EDIL3: variants seen among roughly 807,000 people sequenced by gnomAD.
EDIL3 encodes the protein EGF like and discoidin domains 3.
Under a neutral mutation model 67.4 loss-of-function variants are expected in EDIL3, and 37 were observed. That is an observed-to-expected ratio of 0.55 (90% confidence interval 0.42 to 0.72). EDIL3 has a LOEUF of 0.72. Ranked by LOEUF, EDIL3 falls within the 30% of genes least tolerant of loss-of-function variation. The pLI is 0.00. For missense variants in EDIL3, 527 were observed against 586.3 expected (o/e 0.90, Z 1.04); for synonymous variants, 195 against 196.3 (o/e 0.99, Z 0.05).
At chr5:84,097,358 T>C (rs1224540029) in intron 6 of EDIL3, among the ~76,000 whole-genome samples, 3 of 152,136 alleles carry the variant, frequency 2.0e-5, no homozygotes, top group Non-Finnish European at 4.4e-5. Context: ...ATCATACACA[T>C]CAAATATATC....
chr5:84,096,091 G>C (rs1747257722), intron 6 of EDIL3, among the ~76,000 whole-genome samples: 1 of 152,218 alleles, frequency 6.6e-6, no homozygotes, highest in African/African-American at 2.4e-5. Context: ...GCAGAAGTTT[G>C]CTGCAGGGGT....
intron 9 of EDIL3, among the ~76,000 whole-genome samples, chr5:84,029,261 A>G (rs1036439822): frequency 2.6e-5 from 4 of 152,026 alleles, no homozygotes; most frequent in Non-Finnish European, 4.4e-5. Flanking sequence ...TCTCACAAAC[A>G]AAACAAAACA....
rs143416475 is a variant in EDIL3 at position 83,954,236 on chromosome 5, T to C, written c.1293+8969A>G. Among the ~76,000 whole-genome samples the C allele has an allele frequency of 2.8e-3, 428 of 151,842 alleles. 3 individuals are homozygous for C. Among genetic ancestry groups the C allele is most frequent in the African/African-American group, 1.0e-2 (414 of 41,490 alleles). Reference sequence around the variant, plus strand: ...AACAATCAAAATATTAGTTGTTTGGTGATTATTTAGAAATAAAATGGGTTG... The same window carrying C: ...AACAATCAAAATATTAGTTGTTTGGCGATTATTTAGAAATAAAATGGGTTG... On this transcript the variant is annotated intron_variant, in intron 10 of 10. Transcript: ENST00000296591.
chr5:84,355,304 A>C (rs1042273936), intron 1 of EDIL3, among the ~76,000 whole-genome samples: 4 of 151,824 alleles, frequency 2.6e-5, no homozygotes, highest in Admixed American at 2.6e-4. Flanking sequence ...TGCTTCACGA[A>C]GTTCTCGTGC....
At chr5:84,192,415 A>C (rs1743610275) in intron 3 of EDIL3, among the ~76,000 whole-genome samples, 1 of 151,980 alleles carries the variant, frequency 6.6e-6, no homozygotes, top group Non-Finnish European at 1.5e-5. Flanking sequence ...CCATTCTACC[A>C]CCTAAAGATC....
intron 5 of EDIL3, among the ~76,000 whole-genome samples, chr5:84,133,830 T>A (rs1453340144): frequency 6.6e-6 from 1 of 151,934 alleles, no homozygotes; most frequent in Admixed American, 6.6e-5. Flanking sequence ...TAAAAAAGAA[T>A]TGAGATCTTC....
chr5:84,267,735 A>G (rs1243445454), intron 1 of EDIL3, among the ~76,000 whole-genome samples: 1 of 152,246 alleles, frequency 6.6e-6, no homozygotes, highest in Non-Finnish European at 1.5e-5. Flanking sequence ...TTACCAAAAA[A>G]AAGACAATGA....
chr5:84,346,112 A>G (rs1301101993), intron 1 of EDIL3, among the ~76,000 whole-genome samples: 1 of 149,028 alleles, frequency 6.7e-6, no homozygotes, highest in Non-Finnish European at 1.5e-5. Context: ...TCTCTATATC[A>G]GGAGTCATCA....
At chr5:84,111,470 G>A (rs559048863) in intron 5 of EDIL3, among the ~76,000 whole-genome samples, 3 of 152,092 alleles carry the variant, frequency 2.0e-5, no homozygotes, top group South Asian at 2.1e-4. Context: ...CACTCCATCC[G>A]TTCATTTAAT....
At chr5:84,291,676 C>T (rs951025910) in intron 1 of EDIL3, among the ~76,000 whole-genome samples, 4 of 141,060 alleles carry the variant, frequency 2.8e-5, no homozygotes, top group African/African-American at 1.0e-4. Flanking sequence ...ATATATCTAT[C>T]TATATAGATA....
At position 84,060,439 on chromosome 5, in the gene EDIL3, T is replaced by G; in HGVS notation, c.998A>C (p.Tyr333Ser). The G allele has an allele frequency of 6.2e-7, 1 of 1,613,746 alleles. No homozygotes were observed. The highest frequency in any genetic ancestry group is 8.5e-7 in the Non-Finnish European group (1 of 1,179,800). ...GAAGATGCTGGAGGCAGTGATCTGA[T>G]AGTCTTGTATATGTCCTGATTTCAT... ...LGMKSGHIQD[Y>S]QITASSIFRT... Residue 333 changes from tyrosine to serine, a missense_variant, in exon 9 of 11, where the codon TAT (tyrosine) becomes TCT (serine). By Grantham distance (144) the Tyr-to-Ser change is moderately radical. This residue lies in a region of EDIL3 where 494 missense variants were observed against 522.5 expected (regional missense o/e 0.95). Transcript: ENST00000296591.
At chr5:83,950,481 C>A (rs758671480) in intron 10 of EDIL3, among the ~76,000 whole-genome samples, 1 of 151,778 alleles carries the variant, frequency 6.6e-6, no homozygotes, top group Non-Finnish European at 1.5e-5. Context: ...CAACATCATG[C>A]GCCAGCGTGT....
chr5:84,238,665 G>GTTTTTT (rs3046880), intron 2 of EDIL3, among the ~76,000 whole-genome samples: 32,475 of 100,562 alleles, frequency 0.32, 7,510 homozygotes, highest in East Asian at 0.43. Flanking sequence ...AAAATTAAAT[G>GTTTTTT]TTTTTTTTTT....
chr5:84,172,418 T>A (rs1345828061), intron 4 of EDIL3, among the ~76,000 whole-genome samples: 1 of 151,610 alleles, frequency 6.6e-6, no homozygotes, highest in African/African-American at 2.4e-5. Flanking sequence ...TCTGACTATA[T>A]AAAAAATACA....
At chr5:84,325,274 A>C (rs150498288) in intron 1 of EDIL3, among the ~76,000 whole-genome samples, 96 of 152,032 alleles carry the variant, frequency 6.3e-4, no homozygotes, top group African/African-American at 2.2e-3. Flanking sequence ...TTAAATCTCA[A>C]TAACAACAGC....
At chr5:84,005,478 C>T (rs1438163126) in intron 9 of EDIL3, among the ~76,000 whole-genome samples, 1 of 152,050 alleles carries the variant, frequency 6.6e-6, no homozygotes, top group East Asian at 1.9e-4. Flanking sequence ...GAATCCTTCA[C>T]AATCAAGTAG....
intron 5 of EDIL3, among the ~76,000 whole-genome samples, chr5:84,118,754 A>G (rs1371941236): frequency 1.3e-5 from 2 of 152,320 alleles, no homozygotes; most frequent in East Asian, 3.9e-4. Context: ...CAGCAGCTCC[A>G]GATTAATCCA....
chr5:83,959,043 G>A (rs1160551151), intron 10 of EDIL3, among the ~76,000 whole-genome samples: 1 of 150,906 alleles, frequency 6.6e-6, no homozygotes, highest in African/African-American at 2.4e-5. Context: ...AAAGTAAACT[G>A]CAATTCTTGT....
intron 3 of EDIL3, among the ~76,000 whole-genome samples, chr5:84,185,277 A>T (rs1229303955): frequency 2.0e-5 from 3 of 152,206 alleles, no homozygotes; most frequent in Admixed American, 2.0e-4. Context: ...CACTAAGCAC[A>T]TTCCTATAAA....
Sources: allele counts gnomAD v4.1 joint callset (sites outside exome capture counted in the v4.1 genomes callset), GRCh38; gene constraint gnomAD v4.1.1; regional missense constraint gnomAD v4.1.1; transcripts MANE v1.5; gene names NCBI Gene and HGNC (gene_info 2026-07-23, HGNC 2026-07-21).